The following DNAJC1 variants were observed in gnomAD, a reference collection of about 807,000 sequenced individuals.
DNAJC1 encodes dnaJ homolog subfamily C member 1.
A neutral mutation model predicts 76.6 loss-of-function variants in DNAJC1; 58 were observed. The observed-to-expected ratio is 0.76, with a 90% CI of 0.61 to 0.94. DNAJC1 has a LOEUF of 0.94. DNAJC1 is among the 40% of genes least tolerant of loss of function. The probability of loss-of-function intolerance (pLI) is 0.00; values close to 1 mark genes in which losing one functional copy is unlikely to be tolerated. For missense variants in DNAJC1, 689 were observed against 677.3 expected (o/e 1.02, Z -0.19); for synonymous variants, 258 against 267.9 (o/e 0.96, Z 0.36).
intron 1 of DNAJC1, among the ~76,000 whole-genome samples, chr10:21,968,661 C>T (rs1801250689): frequency 6.6e-6 from 1 of 152,052 alleles, no homozygotes; most frequent in African/African-American, 2.4e-5. Context: ...CAAGCATCCG[C>T]CACCACGCCC....
At chr10:21,954,767 T>A (rs1837652537) in intron 1 of DNAJC1, among the ~76,000 whole-genome samples, 1 of 152,150 alleles carries the variant, frequency 6.6e-6, no homozygotes, top group African/African-American at 2.4e-5. Context: ...ATAATAAATG[T>A]ATTAAACAGC....
chr10:21,892,555 A>G (rs1590036560), intron 7 of DNAJC1, among the ~76,000 whole-genome samples: 1 of 152,044 alleles, frequency 6.6e-6, no homozygotes, highest in East Asian at 1.9e-4. Context: ...AAATATACAA[A>G]CCATTTAATA....
At chr10:21,849,603 T>C (rs1463831621) in intron 8 of DNAJC1, among the ~76,000 whole-genome samples, 4 of 152,100 alleles carry the variant, frequency 2.6e-5, no homozygotes, top group Non-Finnish European at 4.4e-5. Flanking sequence ...GAACATTTGC[T>C]AACACATTTT....
chr10:21,903,174 C>T (rs148699151), intron 7 of DNAJC1, among the ~76,000 whole-genome samples: 8 of 152,282 alleles, frequency 5.3e-5, no homozygotes, highest in Non-Finnish European at 1.5e-5. Context: ...CCGCCTCGGC[C>T]TCCAAAAGAG....
intron 7 of DNAJC1, among the ~76,000 whole-genome samples, chr10:21,893,933 A>G (rs937051523): frequency 3.9e-5 from 6 of 152,142 alleles, no homozygotes; most frequent in Admixed American, 6.5e-5. Flanking sequence ...CAAAGGAAAC[A>G]GAAGACAAAA....
chr10:21,915,347 G>A (rs1472828779), intron 6 of DNAJC1, among the ~76,000 whole-genome samples: 1 of 152,158 alleles, frequency 6.6e-6, no homozygotes, highest in Non-Finnish European at 1.5e-5. Flanking sequence ...CGTAGCAAAG[G>A]AATGGGTATT....
At chr10:22,000,347 G>C (rs985260908) in intron 1 of DNAJC1, among the ~76,000 whole-genome samples, 1 of 152,138 alleles carries the variant, frequency 6.6e-6, no homozygotes, top group Non-Finnish European at 1.5e-5. Context: ...TATCTTTTCT[G>C]TTCAAACACC....
chr10:21,949,643 T>C (rs1402419101), intron 1 of DNAJC1, among the ~76,000 whole-genome samples: 1 of 151,326 alleles, frequency 6.6e-6, no homozygotes, highest in African/African-American at 2.4e-5. Context: ...TTTCGAACTC[T>C]TGACCTCAAG....
intron 7 of DNAJC1, among the ~76,000 whole-genome samples, chr10:21,890,918 T>C (rs962244696): frequency 2.0e-5 from 3 of 152,118 alleles, no homozygotes; most frequent in Non-Finnish European, 4.4e-5. Flanking sequence ...TGGCTGGGCA[T>C]GGTGGCTCAC....
rs9665635 is a variant in DNAJC1 at position 21,916,624 on chromosome 10, A to C, written c.729+2155T>G. 9.5e-3 allele frequency among the ~76,000 whole-genome samples: 1,444 copies of C among 152,340 alleles called. 30 individuals are homozygous for C. Among genetic ancestry groups the C allele is most frequent in the African/African-American group, 0.032 (1,346 of 41,582 alleles). ...GCCTTAACAGGGCTCCTTTTTGACC[A>C]CTGTTCCAATTACCAATCCAGATAA... is the stretch of plus-strand genomic sequence containing the variant. On this transcript the variant is annotated intron_variant, in intron 6 of 11. Transcript: ENST00000376980.
chr10:21,804,454 A>T (rs1273762096), intron 9 of DNAJC1, among the ~76,000 whole-genome samples: 1 of 152,034 alleles, frequency 6.6e-6, no homozygotes, highest in Non-Finnish European at 1.5e-5. Flanking sequence ...TTAGTAGGTC[A>T]TAGTACTTAA....
intron 9 of DNAJC1, among the ~76,000 whole-genome samples, chr10:21,777,880 A>C (rs928491230): frequency 6.6e-6 from 1 of 152,180 alleles, no homozygotes; most frequent in African/African-American, 2.4e-5. Context: ...TTTCATCCCC[A>C]ACTACCTTGT....
intron 6 of DNAJC1, among the ~76,000 whole-genome samples, chr10:21,915,412 G>C (rs1836936486): frequency 6.6e-6 from 1 of 152,184 alleles, no homozygotes; most frequent in Non-Finnish European, 1.5e-5. Context: ...GCTATGACAA[G>C]ATTTGGGTAC....
chr10:21,759,442 G>C lies in DNAJC1; in HGVS notation c.1324C>G (p.Pro442Ala). The change falls in exon 11 of 12, where the codon CCT becomes GCT. Residue 442 changes from proline (P) to alanine (A), a missense_variant. Transcript: ENST00000376980. ...EQETGATDARPRRRKPARLLE... is the reference protein window; with the variant it reads ...EQETGATDARARRRKPARLLE... ...AGCCTGGCTGGCTTCCGCCTCCGAG[G>C]CCGGGCATCAGTGGCCCCGGTCTCC... is the stretch of plus-strand genomic sequence containing the variant. 4 of 1,614,110 alleles carry C rather than the reference G, an allele frequency of 2.5e-6. No individual in the cohort carries two copies. The highest frequency in any genetic ancestry group is 1.7e-6 in the Non-Finnish European group (2 of 1,180,038).
rs551582331 is a variant in DNAJC1, at chr10:21,898,026, C to A, written c.820+6496G>T. Among the ~76,000 whole-genome samples the A allele has an allele frequency of 1.9e-3, 290 of 152,228 alleles. 2 individuals carry two copies. The highest frequency in any genetic ancestry group is 0.01 in the Middle Eastern group (3 of 294). On this transcript the variant is annotated intron_variant, in intron 7 of 11. Coordinates refer to ENST00000376980, the MANE Select transcript of DNAJC1 (RefSeq NM_022365.4). ...CTAATAAGTAAATTCAGCAAGTTAG[C>A]AAAACAAATATCTGCATTCAAAAAT...
intron 1 of DNAJC1, among the ~76,000 whole-genome samples, chr10:21,997,907 T>TA (rs2131853068): frequency 6.6e-6 from 1 of 152,298 alleles, no homozygotes; most frequent in East Asian, 1.9e-4. Context: ...TAGAAGTCTG[T>TA]AATGACTGAC....
intron 8 of DNAJC1, among the ~76,000 whole-genome samples, chr10:21,862,668 A>T (rs546737842): frequency 1.3e-5 from 2 of 152,078 alleles, no homozygotes; most frequent in East Asian, 3.9e-4. Context: ...ATCTCAGGTG[A>T]TCCAACTGCC....
At chr10:21,963,251 T>A (rs1837830452) in intron 1 of DNAJC1, among the ~76,000 whole-genome samples, 1 of 152,178 alleles carries the variant, frequency 6.6e-6, no homozygotes, top group Admixed American at 6.5e-5. Flanking sequence ...AGCTCCACGC[T>A]CAGTACATAA....
chr10:21,796,667 T>C (rs1005433148), intron 9 of DNAJC1, among the ~76,000 whole-genome samples: 6 of 152,302 alleles, frequency 3.9e-5, no homozygotes, highest in South Asian at 2.1e-4. Flanking sequence ...AAGTATCTTA[T>C]TGTCATTTTG....
Sources: gnomAD v4.1 joint callset for allele counts (sites outside exome capture counted in the v4.1 genomes callset) on GRCh38, gnomAD v4.1.1 for gene constraint, MANE v1.5 for transcripts, NCBI Gene and HGNC (gene_info 2026-07-23, HGNC 2026-07-21) for gene names.